The following PPARGC1B variants were observed in gnomAD, a reference collection of about 807,000 sequenced individuals.
PPARGC1B encodes PPARG coactivator 1 beta, also known as peroxisome proliferator-activated receptor gamma coactivator 1-beta.
PPARGC1B carries 34 observed loss-of-function variants against 101.6 expected under a neutral mutation model. The ratio of observed to expected loss-of-function variants is 0.33; its 90% CI spans 0.25 to 0.45. The LOEUF (loss-of-function observed/expected upper bound fraction) is 0.45. Ranked by LOEUF, PPARGC1B falls within the 20% of genes least tolerant of loss-of-function variation. PPARGC1B has a pLI of 1.00. For missense variants in PPARGC1B, 1,234 were observed against 1,317.6 expected (o/e 0.94, Z 0.98); for synonymous variants, 548 against 539.3 (o/e 1.02, Z -0.22).
At chr5:149,856,374 T>G (rs896535496), downstream of PPARGC1B, among the ~76,000 whole-genome samples, 2 of 152,146 alleles carry the variant, frequency 1.3e-5, no homozygotes, top group Admixed American at 6.6e-5. Flanking sequence ...GATGAGAATA[T>G]GTGTGTGATT....
intron 1 of PPARGC1B, among the ~76,000 whole-genome samples, chr5:149,733,447 C>A (rs1484628011): frequency 6.6e-6 from 1 of 152,230 alleles, no homozygotes; most frequent in Non-Finnish European, 1.5e-5. Context: ...GCTTGCCCTG[C>A]TTTCTCTCCT....
intron 1 of PPARGC1B, among the ~76,000 whole-genome samples, chr5:149,819,036 A>G (rs779902417): frequency 3.9e-5 from 6 of 152,208 alleles, no homozygotes; most frequent in Non-Finnish European, 8.8e-5. Flanking sequence ...CAGTTCTTCT[A>G]TTGGTAACCA....
In PPARGC1B at chr5:149,807,746, C is replaced by T. The variant is rs184610725; in HGVS notation, c.79-12687C>T. 3.5e-4 allele frequency among the ~76,000 whole-genome samples: 54 copies of T among 152,280 alleles called. 1 individual carries two copies. The highest frequency in any genetic ancestry group is 3.5e-3 in the Admixed American group (54 of 15,306). ...CATTTTACAGTTTTCCTAAATACCT[C>T]ATGAGGGCTGGAGCAATTCCACAGC... On this transcript the variant is annotated intron_variant, in intron 1 of 11. Transcript: ENST00000309241.
downstream of PPARGC1B, among the ~76,000 whole-genome samples, chr5:149,857,651 G>A (rs1376988056): frequency 6.6e-6 from 1 of 152,204 alleles, no homozygotes. Context: ...GCAAACATGA[G>A]CAGGGCCCAT....
intron 1 of PPARGC1B, among the ~76,000 whole-genome samples, chr5:149,807,759 G>A (rs73267734): frequency 0.19 from 28,745 of 152,094 alleles, 3,760 homozygotes; most frequent in African/African-American, 0.37. Context: ...GAGGGCTGGA[G>A]CAATTCCACA....
chr5:149,840,007 A>G lies in PPARGC1B; in HGVS notation c.2619-34A>G, dbSNP rs536989748. The G allele has an allele frequency of 3.6e-5, 58 of 1,608,614 alleles. No homozygotes were observed. The South Asian group carries it at 5.6e-4, about 16-fold the overall frequency. ...CCCCACCCCCATGGTATCTCCCGAG[A>G]GTGAGTGCCTCTGCTTTGCTTGTTC... On this transcript the variant is annotated intron_variant, in intron 8 of 11. Coordinates refer to ENST00000309241, the MANE Select transcript of PPARGC1B (RefSeq NM_133263.4).
chr5:149,806,429 A>G (rs1346838916), intron 1 of PPARGC1B, among the ~76,000 whole-genome samples: 6 of 152,066 alleles, frequency 3.9e-5, no homozygotes, highest in African/African-American at 1.4e-4. Context: ...GGTTATTTAT[A>G]ACAGTGTTTA....
At chr5:149,826,553 AGGGTGTTGGTGG>A (rs1195010137) in intron 2 of PPARGC1B, 108 bp from the exon 3 acceptor site, 3 of 732,588 alleles carry the variant, frequency 4.1e-6, no homozygotes, top group Non-Finnish European at 7.2e-6. Context: ...GTATGGCAGG[AGGGTGTTGGTGG>A]GCCAGCTGGC....
chr5:149,766,371 CT>C (rs1429504150), intron 1 of PPARGC1B, among the ~76,000 whole-genome samples: 1 of 152,144 alleles, frequency 6.6e-6, no homozygotes, highest in Non-Finnish European at 1.5e-5. Context: ...TTATTAAGGT[CT>C]TTTTCTAGGG....
Position 149,832,667 on chromosome 5 carries a change from C to A in PPARGC1B, c.594C>A (p.Thr198=). Reference sequence around the variant, plus strand: ...CTCTCCCTCTCTAGGCGGACAGCACCCAAGACAAGAAGGCTCCCATGATGC... The same window carrying A: ...CTCTCCCTCTCTAGGCGGACAGCACACAAGACAAGAAGGCTCCCATGATGC... ...SQRPCVKADS[T]QDKKAPMMQS... Residue 198 remains threonine, a synonymous_variant, in exon 5 of 12, where the codon ACC becomes ACA. Transcript: ENST00000309241. The surrounding 1 kb of genome is among the most constrained non-coding windows in gnomAD (Gnocchi z 4.9). 2 of 1,542,558 alleles carry A rather than the reference C, an allele frequency of 1.3e-6. No individual in the cohort carries two copies. The highest frequency in any genetic ancestry group is 2.5e-5 in the South Asian group (2 of 78,892).
intron 9 of PPARGC1B, among the ~76,000 whole-genome samples, chr5:149,841,612 G>A (rs1030558649): frequency 2.0e-5 from 3 of 152,218 alleles, no homozygotes; most frequent in African/African-American, 7.2e-5. Context: ...GCAGGTCAGA[G>A]TGATTTGTCC....
intron 9 of PPARGC1B, among the ~76,000 whole-genome samples, chr5:149,841,132 T>C (rs142596970): frequency 1.3e-5 from 2 of 152,266 alleles, no homozygotes; most frequent in East Asian, 1.9e-4. Context: ...GGATAAGCAC[T>C]GTGAAATTAG....
rs9324627 is a variant in PPARGC1B at position 149,794,505 on chromosome 5, C to T, written c.79-25928C>T. ...TGTTGATTGCACACACACATGCATA[C>T]GCTCATGTATGTGAGCGTGCACACA... On this transcript the variant is annotated intron_variant, in intron 1 of 11. Coordinates refer to ENST00000309241, the MANE Select transcript of PPARGC1B (RefSeq NM_133263.4). Among the ~76,000 whole-genome samples, 454 of 140,616 alleles carry T rather than the reference C, an allele frequency of 3.2e-3. 1 individual carries two copies. Among genetic ancestry groups the T allele is most frequent in the African/African-American group, 0.011 (413 of 37,468 alleles). The allele number at this position is 140,616 out of a possible 152,430, so 92.2% of individuals were successfully genotyped here. A position where few individuals can be genotyped will look rare whatever the true frequency, so the allele number is the denominator to read the frequency against.
chr5:149,799,706 T>TC (rs891449377), intron 1 of PPARGC1B, among the ~76,000 whole-genome samples: 1 of 134,326 alleles, frequency 7.4e-6, no homozygotes, highest in Non-Finnish European at 1.6e-5. Flanking sequence ...TTTTTTTTTT[T>TC]TTTTTTTTGA....
At chr5:149,844,198 G>A (rs951493170) in intron 10 of PPARGC1B, among the ~76,000 whole-genome samples, 2 of 152,172 alleles carry the variant, frequency 1.3e-5, no homozygotes, top group East Asian at 1.9e-4. Context: ...ACCATTTTAA[G>A]TTCTGTGCAG....
At position 149,784,556 on chromosome 5, in the gene PPARGC1B, G is replaced by GTTTCTTTT. The variant is rs1561535301; in HGVS notation, c.79-35873_79-35866dup. 1.0e-3 allele frequency among the ~76,000 whole-genome samples: 117 copies of GTTTCTTTT among 111,650 alleles called. 1 individual carries two copies. Among genetic ancestry groups the GTTTCTTTT allele is most frequent in the African/African-American group, 3.6e-3 (114 of 31,490 alleles). 73.2% of individuals were successfully genotyped at this position (111,650 alleles called of 152,430 possible). On this transcript the variant is annotated intron_variant, in intron 1 of 11. Transcript: ENST00000309241. ...CCTGAGCCTCACTCCAGCCAACTGAGTTTCTTTTTTTTTTTTTTTTTTTTT... is the reference window on the plus strand; with the variant it reads ...CCTGAGCCTCACTCCAGCCAACTGAGTTTCTTTTTTTCTTTTTTTTTTTTTTTTTTTTT...
intron 1 of PPARGC1B, among the ~76,000 whole-genome samples, chr5:149,742,429 C>T (rs1754945496): frequency 6.6e-6 from 1 of 152,184 alleles, no homozygotes; most frequent in South Asian, 2.1e-4. Flanking sequence ...TCCCTCAATA[C>T]TCTGCCACTC....
chr5:149,823,998 G>GC (rs747674411), intron 2 of PPARGC1B, among the ~76,000 whole-genome samples: 37 of 152,042 alleles, frequency 2.4e-4, no homozygotes, highest in Non-Finnish European at 3.7e-4. Flanking sequence ...CTGCCACCAC[G>GC]CCCCCCAAAA....
intron 1 of PPARGC1B, among the ~76,000 whole-genome samples, chr5:149,791,174 C>T (rs939812471): frequency 2.7e-4 from 34 of 125,962 alleles, no homozygotes; most frequent in African/African-American, 9.3e-4. Flanking sequence ...CCCAGCTACT[C>T]AGGAGGCTGA....
Sources: gnomAD v4.1 joint callset for allele counts (sites outside exome capture counted in the v4.1 genomes callset) on GRCh38, gnomAD v4.1.1 for gene constraint, Gnocchi (gnomAD v3.1) non-coding constraint, MANE v1.5 for transcripts, NCBI Gene and HGNC (gene_info 2026-07-23, HGNC 2026-07-21) for gene names.